The following NPTX2 variants were observed in gnomAD, a reference collection of about 807,000 sequenced individuals.
NPTX2 encodes neuronal pentraxin-2.
NPTX2 carries 23 observed loss-of-function variants against 38.1 expected under a neutral mutation model. The ratio of observed to expected loss-of-function variants is 0.60; its 90% CI spans 0.43 to 0.85. NPTX2 has a LOEUF of 0.85. Ranked by LOEUF, NPTX2 falls within the 40% of genes least tolerant of loss-of-function variation. The probability of loss-of-function intolerance (pLI) is 0.00; values close to 1 mark genes in which losing one functional copy is unlikely to be tolerated. For synonymous variants in NPTX2, 291 were observed against 287.3 expected (o/e 1.01, Z -0.13); for missense variants, 553 against 615.3 (o/e 0.90, Z 1.07).
At chr7:98,626,118 G>A (rs1584143438) in intron 3 of NPTX2, among the ~76,000 whole-genome samples, 2 of 142,192 alleles carry the variant, frequency 1.4e-5, no homozygotes, top group East Asian at 4.1e-4. Flanking sequence ...CTGTACTCCA[G>A]CCTGGGTGAC....
chr7:98,620,069 G>A (rs1178813986), intron 2 of NPTX2: 6 of 598,274 alleles, frequency 1.0e-5, no homozygotes, highest in Non-Finnish European at 1.5e-5. Flanking sequence ...AAAAGTGAAA[G>A]TGTCCAGGAC....
intron 2 of NPTX2, among the ~76,000 whole-genome samples, chr7:98,622,851 A>C (rs1285218064): frequency 6.6e-6 from 1 of 152,200 alleles, no homozygotes; most frequent in Admixed American, 6.5e-5. Context: ...ATATGAGTAC[A>C]TGCAACACGT....
At chr7:98,627,871 C>T (rs1371014187) in intron 4 of NPTX2, among the ~76,000 whole-genome samples, 4 of 152,142 alleles carry the variant, frequency 2.6e-5, no homozygotes, top group Non-Finnish European at 5.9e-5. Flanking sequence ...ATAGTGGGTG[C>T]TCAGCCTGTG....
At chr7:98,619,567 C>T in intron 1 of NPTX2, 76 bp from the exon 2 acceptor site, 2 of 1,256,120 alleles carry the variant, frequency 1.6e-6, no homozygotes, top group Non-Finnish European at 1.2e-6. Context: ...CCTGTGTGGT[C>T]GGGCCATCAC....
Position 98,617,408 on chromosome 7 carries a change from G to T in NPTX2, c.-54G>T, listed in dbSNP as rs914095102. ...GCAGCGAAGGCGCCTCCCGCGGAGC[G>T]CCCCGACGGCGCCCGCTCGCCCATG... is the stretch of plus-strand genomic sequence containing the variant. On this transcript the variant is annotated 5_prime_UTR_variant, in exon 1 of 5. Coordinates refer to ENST00000265634, the MANE Select transcript of NPTX2 (RefSeq NM_002523.3). The T allele has an allele frequency of 1.2e-5, 6 of 518,034 alleles. No homozygotes were observed. Among genetic ancestry groups the T allele is most frequent in the Admixed American group, 4.9e-5 (1 of 20,592 alleles). 32.1% of individuals were successfully genotyped at this position (518,034 alleles called of 1,614,324 possible). A position where few individuals can be genotyped will look rare whatever the true frequency, so the allele number is the denominator to read the frequency against.
At chr7:98,619,925 C>A in intron 2 of NPTX2, 66 bp downstream of exon 2, 1 of 1,399,380 alleles carries the variant, frequency 7.1e-7, no homozygotes, top group Non-Finnish European at 1.0e-6. Flanking sequence ...GTCAGACATG[C>A]GATTCTGGTT....
chr7:98,628,415 G>A lies in NPTX2; in HGVS notation c.1082G>A (p.Gly361Asp), dbSNP rs1378541425. Residue 361 changes from glycine (G) to aspartate (D), a missense_variant, in exon 5 of 5, where the codon GGT (glycine) becomes GAT (aspartate). Physicochemically the swap from Gly to Asp is moderately conservative, Grantham distance 94 (BLOSUM62 -1). Coordinates refer to ENST00000265634, the MANE Select transcript of NPTX2 (RefSeq NM_002523.3). ...CCCATTCCCCAGGACACCGTGGGGG[G>A]TAGGTTTGATGCCACTCAGGCATTT... ...ILGQEQDTVG[G>D]RFDATQAFVG... is the part of the protein sequence containing the mutation. 3 of 1,593,538 alleles carry A rather than the reference G, an allele frequency of 1.9e-6. No homozygotes were observed. Among genetic ancestry groups the A allele is most frequent in the African/African-American group, 1.3e-5 (1 of 74,576 alleles).
chr7:98,628,524 C>T lies in NPTX2; in HGVS notation c.1191C>T (p.Asn397=). 1.2e-6 allele frequency: 2 copies of T among 1,611,550 alleles called. No individual in the cohort carries two copies. Among genetic ancestry groups the T allele is most frequent in the East Asian group, 2.2e-5 (1 of 44,836 alleles). ...EIVNIANCST[N]MPGNIIPWVD... ...TCAACATCGCCAACTGCTCCACAAA[C>T]ATGCCGGGCAACATCATCCCGTGGG... The change falls in exon 5 of 5, where the codon AAC becomes AAT. Residue 397 remains asparagine (N), a synonymous_variant. Coordinates refer to ENST00000265634, the MANE Select transcript of NPTX2 (RefSeq NM_002523.3).
At position 98,617,842 on chromosome 7, in the gene NPTX2, C is replaced by T. The variant is rs1288294008; in HGVS notation, c.381C>T (p.Leu127=). The change falls in exon 1 of 5, where the codon CTC becomes CTT. Residue 127 remains leucine, a synonymous_variant. Coordinates refer to ENST00000265634, the MANE Select transcript of NPTX2 (RefSeq NM_002523.3). ...ACCCCGGCCACGTCGTGGAGCAGCT[C>T]AGCCGCTCGCTGCAGACCCTCAAGG... The part of the protein sequence containing the change: ...PRDPGHVVEQ[L]SRSLQTLKDR... 3.9e-6 allele frequency: 6 copies of T among 1,553,890 alleles called. No individual in the cohort carries two copies. The highest frequency in any genetic ancestry group is 5.2e-6 in the Non-Finnish European group (6 of 1,158,434).
chr7:98,628,511 A>C lies in NPTX2; in HGVS notation c.1178A>C (p.Asn393Thr), dbSNP rs780347047. The C allele has an allele frequency of 1.2e-5, 20 of 1,611,140 alleles. No individual in the cohort carries two copies. The change falls in exon 5 of 5, where the codon AAC (asparagine) becomes ACC (threonine). Residue 393 changes from asparagine (N) to threonine (T), a missense_variant. By Grantham distance (65) the Asn-to-Thr change is moderately conservative (BLOSUM62 0). Coordinates refer to ENST00000265634, the MANE Select transcript of NPTX2 (RefSeq NM_002523.3). The part of the protein sequence containing the change: ...LRAQEIVNIA[N>T]CSTNMPGNII... ...GCACAAGAAATTGTCAACATCGCCAACTGCTCCACAAACATGCCGGGCAAC... is the reference window on the plus strand; with the variant it reads ...GCACAAGAAATTGTCAACATCGCCACCTGCTCCACAAACATGCCGGGCAAC...
intron 2 of NPTX2, among the ~76,000 whole-genome samples, chr7:98,622,888 C>T (rs1791292044): frequency 6.6e-6 from 1 of 152,300 alleles, no homozygotes; most frequent in East Asian, 1.9e-4. Context: ...AATGTACACA[C>T]TGCCTGTTCC....
chr7:98,619,706 C>T lies in NPTX2; in HGVS notation c.490C>T (p.Gln164Ter), dbSNP rs549106248. The change falls in exon 2 of 5, where the codon CAG becomes TAG. Residue 164 changes from glutamine (Q) to a stop codon, truncating the protein, a stop_gained. Transcript: ENST00000265634. LOFTEE classifies it high-confidence loss of function. ...CGGCGACTTCCGCGAGGTGCTCCAG[C>T]AGCGGCTGGGGGAGCTGGAGAGGCA... ...LPGDFREVLQ[Q>*]RLGELERQLL... 6.2e-7 allele frequency: 1 copy of T among 1,613,566 alleles called. No individual in the cohort carries two copies. The highest frequency in any genetic ancestry group is 1.3e-5 in the African/African-American group (1 of 75,072).
chr7:98,622,607 C>A (rs983519142), intron 2 of NPTX2, among the ~76,000 whole-genome samples: 1 of 152,236 alleles, frequency 6.6e-6, no homozygotes, highest in Non-Finnish European at 1.5e-5. Flanking sequence ...GCCTCCGAGC[C>A]TCAACTGTGC....
At chr7:98,621,552 G>T (rs1258652353) in intron 2 of NPTX2, among the ~76,000 whole-genome samples, 26 of 152,218 alleles carry the variant, frequency 1.7e-4, no homozygotes, top group Non-Finnish European at 1.5e-5. Flanking sequence ...ATTGTAGAGA[G>T]ATGAGTAAAC....
At position 98,625,016 on chromosome 7, in the gene NPTX2, G is replaced by A. The variant is rs1310898122; in HGVS notation, c.738G>A (p.Glu246=). 1.9e-6 allele frequency: 3 copies of A among 1,613,924 alleles called. No individual in the cohort carries two copies. The highest frequency in any genetic ancestry group is 1.6e-4 in the Middle Eastern group (1 of 6,062). The change falls in exon 3 of 5, where the codon GAG becomes GAA. Residue 246 remains glutamate, a synonymous_variant. Transcript: ENST00000265634. ...LYGKIKKTLP[E]LYAFTICLWL... The stretch of plus-strand genomic sequence containing the variant: ...GCAAGATCAAGAAGACGCTGCCTGA[G>A]CTGTACGCCTTCACCATCTGCCTGT...
intron 2 of NPTX2, among the ~76,000 whole-genome samples, chr7:98,624,313 G>A (rs920922014): frequency 6.6e-6 from 1 of 151,994 alleles, no homozygotes; most frequent in Non-Finnish European, 1.5e-5. Flanking sequence ...GGCTGGTCTC[G>A]AACTCTTGGC....
At chr7:98,625,614 T>G (rs1446942276) in intron 3 of NPTX2, among the ~76,000 whole-genome samples, 2 of 152,178 alleles carry the variant, frequency 1.3e-5, no homozygotes, top group Non-Finnish European at 1.5e-5. Flanking sequence ...TGTACCCATT[T>G]TAATGTACAA....
chr7:98,619,968 C>T, intron 2 of NPTX2, 109 bp downstream of exon 2: 3 of 966,898 alleles, frequency 3.1e-6, no homozygotes, highest in Non-Finnish European at 4.8e-6. Flanking sequence ...ACCACATGGG[C>T]CTGGTTCCCG....
intron 2 of NPTX2, among the ~76,000 whole-genome samples, chr7:98,620,699 A>T (rs1274639395): frequency 6.6e-6 from 1 of 152,066 alleles, no homozygotes; most frequent in Non-Finnish European, 1.5e-5. Flanking sequence ...TCCTCCCATG[A>T]CAGGAGGAGG....
Sources: allele counts gnomAD v4.1 joint callset (sites outside exome capture counted in the v4.1 genomes callset), GRCh38; gene constraint gnomAD v4.1.1; transcripts MANE v1.5; gene names NCBI Gene and HGNC (gene_info 2026-07-23, HGNC 2026-07-21).